The following MTCL1 variants were observed in gnomAD, a reference collection of about 807,000 sequenced individuals.
MTCL1 encodes microtubule cross-linking factor 1.
Under a neutral mutation model 141.4 loss-of-function variants are expected in MTCL1, and 79 were observed. The ratio of observed to expected loss-of-function variants is 0.56; its 90% CI spans 0.47 to 0.67. The LOEUF (loss-of-function observed/expected upper bound fraction) is 0.67. Ranked by LOEUF, MTCL1 falls within the 30% of genes least tolerant of loss-of-function variation. The probability of loss-of-function intolerance (pLI) is 0.00; values close to 1 mark genes in which losing one functional copy is unlikely to be tolerated. For missense variants in MTCL1, 2,177 were observed against 2,113.9 expected (o/e 1.03, Z -0.59); for synonymous variants, 914 against 875.8 (o/e 1.04, Z -0.77).
rs551669919 is a variant in MTCL1 at position 8,710,184 on chromosome 18, C to G, written c.1053+3471C>G. Among the ~76,000 whole-genome samples, 3 of 152,324 alleles carry G rather than the reference C, an allele frequency of 2.0e-5. No individual in the cohort carries two copies. In the South Asian group the frequency reaches 6.2e-4, roughly 32 times the overall value. ...TAGTCAGTGTCAACAGAGAAGCGGA[C>G]ACCTTGTGTTGTGCTGTAACAGAGC... is the stretch of plus-strand genomic sequence containing the variant. On this transcript the variant is annotated intron_variant, in intron 1 of 13. Transcript: ENST00000306329.
chr18:8,811,998 G>T (rs969477739), intron 11 of MTCL1, among the ~76,000 whole-genome samples: 1 of 152,190 alleles, frequency 6.6e-6, no homozygotes, highest in African/African-American at 2.4e-5. Context: ...TTTTCATGCT[G>T]CCTGAGGAAA....
upstream of MTCL1, chr18:8,705,619 C>G: frequency 8.2e-7 from 1 of 1,215,492 alleles, no homozygotes. This position sits in a 1 kb window ranked among gnomAD's most constrained non-coding sequence, Gnocchi z 5.2. Flanking sequence ...CCGTCGTCGT[C>G]CGGAGCATCT....
intron 4 of MTCL1, among the ~76,000 whole-genome samples, chr18:8,766,571 C>T (rs551704287): frequency 1.3e-5 from 2 of 152,212 alleles, no homozygotes; most frequent in Non-Finnish European, 2.9e-5. Flanking sequence ...AATATACTAG[C>T]AGAGATATTG....
intron 4 of MTCL1, among the ~76,000 whole-genome samples, chr18:8,760,998 ATGTG>A (rs2096429370): frequency 6.6e-6 from 1 of 152,346 alleles, no homozygotes; most frequent in South Asian, 2.1e-4. Context: ...AAAATTTTAA[ATGTG>A]TGTCACCATT....
At chr18:8,818,727 A>G (rs1399896726) in intron 12 of MTCL1, among the ~76,000 whole-genome samples, 1 of 152,134 alleles carries the variant, frequency 6.6e-6, no homozygotes, top group Non-Finnish European at 1.5e-5. Context: ...AGTTCACCAT[A>G]CTCGTACGTG....
intron 10 of MTCL1, among the ~76,000 whole-genome samples, chr18:8,798,543 A>T (rs984389918): frequency 2.0e-5 from 3 of 152,232 alleles, no homozygotes; most frequent in Admixed American, 6.5e-5. Context: ...TAGTAAGGGC[A>T]GATCAATGCT....
intron 11 of MTCL1, among the ~76,000 whole-genome samples, chr18:8,808,338 G>C (rs1459606318): frequency 6.6e-6 from 1 of 152,162 alleles, no homozygotes; most frequent in East Asian, 1.9e-4. Context: ...TGTTTCCAAA[G>C]CCCGAACTAT....
intron 4 of MTCL1, among the ~76,000 whole-genome samples, chr18:8,725,850 C>T (rs1313602519): frequency 7.5e-6 from 1 of 132,756 alleles, no homozygotes; most frequent in Non-Finnish European, 1.5e-5. Flanking sequence ...AGTGCAGTGG[C>T]ACGATCTCGG....
At chr18:8,765,385 A>G (rs1456223667) in intron 4 of MTCL1, among the ~76,000 whole-genome samples, 1 of 152,240 alleles carries the variant, frequency 6.6e-6, no homozygotes, top group African/African-American at 2.4e-5. Context: ...AAAGAGCAAA[A>G]GTACCTCCAT....
At chr18:8,783,939 G>A (rs368611615) in exon 6 of MTCL1, 117 of 1,613,520 alleles carry the variant, frequency 7.3e-5, no homozygotes, top group Non-Finnish European at 9.1e-5. Flanking sequence ...GAGCTCCGCC[G>A]CCACCTGCAG....
chr18:8,775,569 T>C (rs1443986656), intron 4 of MTCL1, among the ~76,000 whole-genome samples: 1 of 148,610 alleles, frequency 6.7e-6, no homozygotes, highest in Non-Finnish European at 1.5e-5. Context: ...AAAGATTCCG[T>C]CTCAAAACAA....
intron 12 of MTCL1, 29 bp downstream of exon 11, chr18:8,813,262 A>G (rs1331706107): frequency 6.2e-7 from 1 of 1,602,970 alleles, no homozygotes; most frequent in South Asian, 1.1e-5. Flanking sequence ...GCCCTGGAGC[A>G]TAGGCACAGA....
intron 4 of MTCL1, among the ~76,000 whole-genome samples, chr18:8,745,165 G>A (rs1345805532): frequency 6.6e-6 from 1 of 152,144 alleles, no homozygotes; most frequent in Non-Finnish European, 1.5e-5. Flanking sequence ...TAAAAAGAAT[G>A]TATATTTTAT....
upstream of MTCL1, among the ~76,000 whole-genome samples, chr18:8,715,139 GC>G (rs1460090705): frequency 6.6e-6 from 1 of 152,132 alleles, no homozygotes; most frequent in Admixed American, 6.5e-5. Flanking sequence ...GATTATTTGT[GC>G]CAAAAAATAT....
intron 10 of MTCL1, among the ~76,000 whole-genome samples, chr18:8,805,724 GT>G (rs1306664694): frequency 6.6e-6 from 1 of 152,178 alleles, no homozygotes; most frequent in African/African-American, 2.4e-5. Context: ...TCTATGTCCA[GT>G]GGGACTTAGA....
At chr18:8,759,494 G>A (rs2096419123) in intron 4 of MTCL1, among the ~76,000 whole-genome samples, 2 of 152,280 alleles carry the variant, frequency 1.3e-5, no homozygotes, top group Admixed American at 1.3e-4. Context: ...TTCCCGCTGT[G>A]CTTAGATCAT....
chr18:8,715,003 A>G (rs530540522), upstream of MTCL1, among the ~76,000 whole-genome samples: 246 of 152,162 alleles, frequency 1.6e-3, 1 homozygote, highest in East Asian at 0.013. Context: ...TCACTGTGTT[A>G]GCCAGGATGG....
At chr18:8,718,962 T>TTTTTTTTTTTTTTTTTTTTTTGAGACGG (rs2096149569) in intron 3 of MTCL1, among the ~76,000 whole-genome samples, 1 of 150,920 alleles carries the variant, frequency 6.6e-6, no homozygotes, top group African/African-American at 2.5e-5. Flanking sequence ...ATATTTTTTT[T>TTTTTTTTTTTTTTTTTTTTTTGAGACGG]AAAAATCTAT....
chr18:8,710,740 C>T lies in MTCL1; in HGVS notation c.1053+4027C>T, dbSNP rs146839898. ...AGCATAAAGGAGCAATAAATGGGGG[C>T]AGGGAGTAAAGCTTGGGAACTAGTC... On this transcript the variant is annotated intron_variant, in intron 1 of 13. Coordinates refer to the MTCL1 transcript ENST00000306329. Among the ~76,000 whole-genome samples the T allele has an allele frequency of 8.7e-3, 1,290 of 149,050 alleles. 18 individuals are homozygous for T. The highest frequency in any genetic ancestry group is 0.029 in the African/African-American group (1,195 of 40,518).
Sources: allele counts gnomAD v4.1 joint callset (sites outside exome capture counted in the v4.1 genomes callset), GRCh38; gene constraint gnomAD v4.1.1; non-coding constraint Gnocchi (gnomAD v3.1); transcripts MANE v1.5; gene names NCBI Gene and HGNC (gene_info 2026-07-23, HGNC 2026-07-21).